Variants in MBNL1 observed in about 807,000 individuals in gnomAD.
MBNL1 encodes muscleblind-like protein 1.
MBNL1 carries 8 observed loss-of-function variants against 42.2 expected under a neutral mutation model. The observed-to-expected ratio is 0.19, with a 90% CI of 0.11 to 0.34. MBNL1 has a LOEUF of 0.34. Among genes scored for constraint, MBNL1 ranks in the 10% least tolerant of loss-of-function variants. MBNL1 has a pLI of 1.00. For synonymous variants in MBNL1, 169 were observed against 173.9 expected, an observed-to-expected ratio of 0.97 and a Z score of 0.22; for missense variants, 309 against 495.3, an observed-to-expected ratio of 0.62 and a Z score of 3.57.
chr3:152,390,620 C>CACACACACACAT (rs1579338504), intron 2 of MBNL1, among the ~76,000 whole-genome samples: 1 of 151,016 alleles, frequency 6.6e-6, no homozygotes, highest in East Asian at 1.9e-4. Context: ...TATGCACACA[C>CACACACACACAT]ACACACACAC....
chr3:152,444,885 C>T (rs976736375), intron 4 of MBNL1, among the ~76,000 whole-genome samples: 2 of 152,146 alleles, frequency 1.3e-5, no homozygotes, highest in Non-Finnish European at 2.9e-5. Flanking sequence ...GTGCCCTTCT[C>T]ATTGTATCAT....
chr3:152,440,232 TGGAA>T (rs2099128671), intron 4 of MBNL1, among the ~76,000 whole-genome samples: 1 of 152,228 alleles, frequency 6.6e-6, no homozygotes, highest in African/African-American at 2.4e-5. Flanking sequence ...TGAATTTTTT[TGGAA>T]GGAGAAAAAT....
chr3:152,418,167 A>G (rs754878265), intron 3 of MBNL1, among the ~76,000 whole-genome samples: 1 of 152,228 alleles, frequency 6.6e-6, no homozygotes, highest in Non-Finnish European at 1.5e-5. Flanking sequence ...TTAAATCCTC[A>G]CAAACCATCC....
At chr3:152,343,535 G>C (rs2093713524) in intron 2 of MBNL1, among the ~76,000 whole-genome samples, 1 of 152,100 alleles carries the variant, frequency 6.6e-6, no homozygotes, top group South Asian at 2.1e-4. Context: ...AATTAAATAA[G>C]AGCATAAGAT....
chr3:152,328,215 C>T (rs2554958), intron 2 of MBNL1, among the ~76,000 whole-genome samples: 2,753 of 151,960 alleles, frequency 0.018, 53 homozygotes, highest in Non-Finnish European at 0.03. Flanking sequence ...GGCTTGTGAA[C>T]GTTTTATATT....
chr3:152,398,720 A>G (rs1310389991), intron 2 of MBNL1, among the ~76,000 whole-genome samples: 4 of 152,184 alleles, frequency 2.6e-5, no homozygotes. Flanking sequence ...AGCTTTGCTT[A>G]TGTCCTTTCC....
rs1293581932 is a variant in MBNL1 at position 152,327,288 on chromosome 3, T to A, written c.174+26921T>A. Among the ~76,000 whole-genome samples the A allele has an allele frequency of 4.6e-5, 7 of 152,288 alleles. 1 individual carries two copies. The East Asian group carries it at 5.8e-4, about 13-fold the overall frequency. ...TATTTATTGGGCATCTGTCTTTTTT[T>A]ATCAAGCTCTGTGCTAGTCCCTGAG... is the stretch of plus-strand genomic sequence containing the variant. On this transcript the variant is annotated intron_variant, in intron 2 of 9. Transcript: ENST00000324210.
intron 2 of MBNL1, among the ~76,000 whole-genome samples, chr3:152,370,300 A>C (rs2096603051): frequency 6.6e-6 from 1 of 152,156 alleles, no homozygotes; most frequent in Non-Finnish European, 1.5e-5. Context: ...GTTGCCATGT[A>C]GTTGGGCGAT....
At chr3:152,297,503 C>T (rs1023930483) in intron 1 of MBNL1, among the ~76,000 whole-genome samples, 2 of 151,894 alleles carry the variant, frequency 1.3e-5, no homozygotes, top group South Asian at 4.1e-4. Context: ...GTGCCTGCCA[C>T]CATGCCCGGC....
intron 3 of MBNL1, among the ~76,000 whole-genome samples, chr3:152,416,586 A>G (rs2098705563): frequency 6.6e-6 from 1 of 152,206 alleles, no homozygotes; most frequent in Non-Finnish European, 1.5e-5. Flanking sequence ...ATGTGAAGAT[A>G]CTTTGTTCTA....
In MBNL1 at chr3:152,329,515, G is replaced by A. The variant is rs1204448634; in HGVS notation, c.174+29148G>A. 4.0e-5 allele frequency among the ~76,000 whole-genome samples: 6 copies of A among 151,356 alleles called. No individual in the cohort carries two copies. In the South Asian group the frequency reaches 6.3e-4, roughly 16 times the overall value. ...AGAAAAAAAATTAGCCAGGCATGGT[G>A]GTGAGCACCTGTAGTCACAGCTACT... On this transcript the variant is annotated intron_variant, in intron 2 of 9. Transcript: ENST00000324210.
At chr3:152,332,319 G>A (rs1215086060) in intron 2 of MBNL1, among the ~76,000 whole-genome samples, 2 of 152,086 alleles carry the variant, frequency 1.3e-5, no homozygotes, top group African/African-American at 4.8e-5. Context: ...AATAATTTTT[G>A]CTTAAATTCA....
chr3:152,396,162 C>T, intron 2 of MBNL1: 1 of 364,038 alleles, frequency 2.7e-6, no homozygotes, highest in South Asian at 2.1e-5. Flanking sequence ...TCCTGTCACC[C>T]CCAGATAGGA....
intron 6 of MBNL1, among the ~76,000 whole-genome samples, chr3:152,448,256 G>A (rs541897013): frequency 6.6e-6 from 1 of 152,138 alleles, no homozygotes; most frequent in East Asian, 1.9e-4. Context: ...GGCTCTTATT[G>A]GCATCAATCA....
At chr3:152,321,391 A>G (rs974581962) in intron 2 of MBNL1, among the ~76,000 whole-genome samples, 5 of 152,140 alleles carry the variant, frequency 3.3e-5, no homozygotes, top group Non-Finnish European at 7.4e-5. Context: ...TCATTTGCTT[A>G]GAGAGTAAAG....
chr3:152,398,308 G>T (rs2098072195), intron 2 of MBNL1, among the ~76,000 whole-genome samples: 1 of 151,564 alleles, frequency 6.6e-6, no homozygotes. Context: ...TTCTGTTTAT[G>T]TTAGTGCATG....
intron 2 of MBNL1, among the ~76,000 whole-genome samples, chr3:152,337,308 A>C (rs918904872): frequency 3.3e-4 from 51 of 152,294 alleles, no homozygotes; most frequent in African/African-American, 1.2e-3. Context: ...TGATTAGTCT[A>C]TCTGACAGTG....
chr3:152,342,807 A>C (rs1001976098), intron 2 of MBNL1, among the ~76,000 whole-genome samples: 11 of 152,192 alleles, frequency 7.2e-5, no homozygotes, highest in African/African-American at 2.7e-4. Context: ...TTCGTTAACT[A>C]CACATATTAA....
chr3:152,371,018 G>A (rs534478708), intron 2 of MBNL1, among the ~76,000 whole-genome samples: 44 of 152,260 alleles, frequency 2.9e-4, no homozygotes, highest in Admixed American at 2.7e-3. Flanking sequence ...ATATTGTTAT[G>A]TGTGAGTTTG....
Sources: allele counts gnomAD v4.1 joint callset (sites outside exome capture counted in the v4.1 genomes callset), GRCh38; gene constraint gnomAD v4.1.1; transcripts MANE v1.5; gene names NCBI Gene and HGNC (gene_info 2026-07-23, HGNC 2026-07-21).